ROBO2: variants seen among roughly 807,000 people sequenced by gnomAD.
The protein encoded by ROBO2 is roundabout homolog 2.
Under a neutral mutation model 160.8 loss-of-function variants are expected in ROBO2, and 53 were observed. The observed-to-expected ratio is 0.33, with a 90% CI of 0.26 to 0.41. The LOEUF is 0.41. Among genes scored for constraint, ROBO2 ranks in the 10% least tolerant of loss-of-function variants. ROBO2 has a pLI of 1.00. For synonymous variants in ROBO2, 664 were observed against 611.7 expected (o/e 1.09, Z -1.26); for missense variants, 1,577 against 1,722.4 (o/e 0.92, Z 1.49).
intron 2 of ROBO2, among the ~76,000 whole-genome samples, chr3:76,161,054 T>C (rs1488653424): frequency 6.6e-6 from 1 of 152,116 alleles, no homozygotes; most frequent in Non-Finnish European, 1.5e-5. Context: ...ACACTAAAGC[T>C]TGTATTTCTT....
intron 1 of ROBO2, among the ~76,000 whole-genome samples, chr3:75,928,194 C>T (rs1309101052): frequency 1.3e-5 from 2 of 151,560 alleles, no homozygotes; most frequent in Non-Finnish European, 2.9e-5. Flanking sequence ...CCGTGTTAGC[C>T]AGGATGGTCT....
intron 6 of ROBO2, among the ~76,000 whole-genome samples, chr3:77,523,511 C>T (rs1045202040): frequency 1.3e-5 from 2 of 151,386 alleles, no homozygotes; most frequent in Non-Finnish European, 3.0e-5. Flanking sequence ...GTGTCATGCA[C>T]TTCCTCAGTC....
intron 2 of ROBO2, among the ~76,000 whole-genome samples, chr3:76,877,460 G>C (rs2072867911): frequency 6.6e-6 from 1 of 152,190 alleles, no homozygotes; most frequent in South Asian, 2.1e-4. Flanking sequence ...GATGAGTTTG[G>C]GGGAGGGAGG....
intron 2 of ROBO2, among the ~76,000 whole-genome samples, chr3:76,054,682 C>T (rs1215981146): frequency 6.6e-6 from 1 of 152,134 alleles, no homozygotes; most frequent in Non-Finnish European, 1.5e-5. Context: ...CAAATTAAGT[C>T]CTATGTGCCT....
intron 2 of ROBO2, among the ~76,000 whole-genome samples, chr3:76,198,850 T>A (rs1559632998): frequency 6.6e-6 from 1 of 152,116 alleles, no homozygotes; most frequent in African/African-American, 2.4e-5. Flanking sequence ...CACTCCCACT[T>A]TGAGGTGTCC....
chr3:77,372,271 A>C (rs1487048200), intron 2 of ROBO2, among the ~76,000 whole-genome samples: 2 of 152,258 alleles, frequency 1.3e-5, no homozygotes, highest in African/African-American at 4.8e-5. Flanking sequence ...GTCAATTCTT[A>C]TATCAGGAAG....
At chr3:76,090,146 T>A (rs370277056) in intron 2 of ROBO2, among the ~76,000 whole-genome samples, 23 of 152,072 alleles carry the variant, frequency 1.5e-4, no homozygotes, top group African/African-American at 5.1e-4. Flanking sequence ...TAAGGAACAC[T>A]ACGAAACTCT....
At chr3:76,105,392 TGTTGA>T (rs2069878642) in intron 2 of ROBO2, among the ~76,000 whole-genome samples, 1 of 152,166 alleles carries the variant, frequency 6.6e-6, no homozygotes, top group African/African-American at 2.4e-5. Context: ...AAATGGAACA[TGTTGA>T]ACTGTAGTAA....
At chr3:77,041,410 G>A (rs1465679124) in intron 1 of ROBO2, among the ~76,000 whole-genome samples, 2 of 152,172 alleles carry the variant, frequency 1.3e-5, no homozygotes, top group East Asian at 3.9e-4. Context: ...GAGGCTCCAC[G>A]AAGGGGGAAG....
At chr3:75,995,039 G>A (rs1481564254) in intron 2 of ROBO2, among the ~76,000 whole-genome samples, 1 of 152,190 alleles carries the variant, frequency 6.6e-6, no homozygotes, top group East Asian at 1.9e-4. Context: ...AAGCATTCAA[G>A]AGGTGACAGA....
intron 2 of ROBO2, among the ~76,000 whole-genome samples, chr3:76,859,790 C>A: frequency 6.6e-6 from 1 of 152,196 alleles, no homozygotes; most frequent in East Asian, 1.9e-4. Flanking sequence ...TAACCATTCT[C>A]TCTCTAGCAG....
chr3:76,627,436 A>G (rs924109537), intron 2 of ROBO2, among the ~76,000 whole-genome samples: 1 of 152,196 alleles, frequency 6.6e-6, no homozygotes, highest in African/African-American at 2.4e-5. Flanking sequence ...GTGCCCCCAG[A>G]TAGGCATATT....
chr3:76,282,289 C>T (rs1022759768), intron 2 of ROBO2, among the ~76,000 whole-genome samples: 1 of 151,856 alleles, frequency 6.6e-6, no homozygotes, highest in African/African-American at 2.4e-5. Flanking sequence ...AGAAAATGCA[C>T]TTGCTGTATA....
intron 2 of ROBO2, among the ~76,000 whole-genome samples, chr3:76,271,624 G>A (rs1576193996): frequency 6.6e-6 from 1 of 151,402 alleles, no homozygotes; most frequent in Non-Finnish European, 1.5e-5. Context: ...TCTTCTCTTT[G>A]TAATATGTCC....
chr3:77,229,759 G>A (rs2086936302), intron 2 of ROBO2, among the ~76,000 whole-genome samples: 1 of 151,964 alleles, frequency 6.6e-6, no homozygotes, highest in Non-Finnish European at 1.5e-5. Context: ...GCAGTCTGGG[G>A]CACCGCCATT....
intron 1 of ROBO2, 102 bp from the exon 2 acceptor site, chr3:77,097,912 G>T: frequency 1.0e-6 from 1 of 1,002,824 alleles, no homozygotes; most frequent in African/African-American, 1.6e-5. Context: ...ATGTTCAGTT[G>T]GATAATCGAA....
At chr3:76,664,857 AG>A (rs1159415972) in intron 2 of ROBO2, among the ~76,000 whole-genome samples, 2 of 152,226 alleles carry the variant, frequency 1.3e-5, no homozygotes, top group Non-Finnish European at 2.9e-5. Flanking sequence ...ATAATGTTTA[AG>A]GGACAATTGA....
intron 2 of ROBO2, among the ~76,000 whole-genome samples, chr3:76,179,448 C>G (rs769988397): frequency 6.6e-6 from 1 of 152,122 alleles, no homozygotes; most frequent in Non-Finnish European, 1.5e-5. Context: ...GCTAAAGTAA[C>G]CTCTAGTTTT....
At chr3:76,477,881 C>G (rs527696390) in intron 2 of ROBO2, among the ~76,000 whole-genome samples, 1 of 152,062 alleles carries the variant, frequency 6.6e-6, no homozygotes, top group African/African-American at 2.4e-5. Context: ...TTGCAGAAAC[C>G]AATGAGGGAA....
Sources: allele counts gnomAD v4.1 joint callset (sites outside exome capture counted in the v4.1 genomes callset), GRCh38; gene constraint gnomAD v4.1.1; transcripts MANE v1.5; gene names NCBI Gene and HGNC (gene_info 2026-07-23, HGNC 2026-07-21).